Variants in OPCML observed in about 807,000 individuals in gnomAD.
OPCML encodes opioid binding protein/cell adhesion molecule like, also known as opioid-binding protein/cell adhesion molecule.
Under a neutral mutation model 37.8 loss-of-function variants are expected in OPCML, and 13 were observed. The observed-to-expected ratio is 0.34, with a 90% confidence interval of 0.22 to 0.55. The LOEUF is 0.55. Ranked by LOEUF, OPCML falls within the 20% of genes least tolerant of loss-of-function variation. OPCML has a pLI of 0.91. For synonymous variants in OPCML, 176 were observed against 168.8 expected (o/e 1.04, Z -0.33); for missense variants, 341 against 435.6 (o/e 0.78, Z 1.93).
At chr11:133,219,807 G>C (rs1055393588) in intron 1 of OPCML, among the ~76,000 whole-genome samples, 1 of 152,074 alleles carries the variant, frequency 6.6e-6, no homozygotes, top group East Asian at 1.9e-4. Context: ...TTGGGGAGGG[G>C]GGTGCTACAG....
At chr11:132,832,593 C>T (rs7938407) in intron 2 of OPCML, among the ~76,000 whole-genome samples, 13,216 of 152,200 alleles carry the variant, frequency 0.087, 644 homozygotes, top group Middle Eastern at 0.11. Context: ...GAAACAAAAA[C>T]GTGAAAAAAA....
At chr11:133,523,786 C>T (rs1407564720) in intron 1 of OPCML, among the ~76,000 whole-genome samples, 5 of 152,132 alleles carry the variant, frequency 3.3e-5, no homozygotes, top group South Asian at 2.1e-4. Context: ...GGACTTTGCC[C>T]GTCCTGTTCA....
chr11:132,932,635 T>TGGTG (rs1945245694), intron 2 of OPCML, among the ~76,000 whole-genome samples: 2 of 151,056 alleles, frequency 1.3e-5, no homozygotes, highest in Non-Finnish European at 2.9e-5. Flanking sequence ...AGAATAGTGC[T>TGGTG]GGTGGGTACC....
chr11:133,244,207 T>C (rs1410918909), intron 1 of OPCML, among the ~76,000 whole-genome samples: 1 of 152,172 alleles, frequency 6.6e-6, no homozygotes, highest in Non-Finnish European at 1.5e-5. Context: ...CACCATTCAA[T>C]AGTGCAGTGC....
intron 1 of OPCML, among the ~76,000 whole-genome samples, chr11:133,303,480 C>T (rs754161650): frequency 7.2e-5 from 11 of 152,114 alleles, no homozygotes; most frequent in Admixed American, 3.9e-4. Context: ...CTATTCATTG[C>T]GGTTGGCCTG....
intron 3 of OPCML, among the ~76,000 whole-genome samples, chr11:132,551,780 T>C (rs1591539320): frequency 6.6e-6 from 1 of 152,290 alleles, no homozygotes; most frequent in Non-Finnish European, 1.5e-5. Flanking sequence ...CCTTAAAAAC[T>C]CTGATCCCTG....
At chr11:133,446,178 T>G (rs184499120) in intron 1 of OPCML, among the ~76,000 whole-genome samples, 2 of 152,236 alleles carry the variant, frequency 1.3e-5, no homozygotes, top group Admixed American at 1.3e-4. Flanking sequence ...GGTTATGAGA[T>G]TTAAGCATCT....
chr11:132,991,724 G>A (rs543432352), intron 1 of OPCML, among the ~76,000 whole-genome samples: 2 of 152,328 alleles, frequency 1.3e-5, no homozygotes, highest in South Asian at 2.1e-4. Context: ...CTGAAGGGAA[G>A]GCTCTTCTCC....
At chr11:133,227,792 G>T (rs1274379328) in intron 1 of OPCML, among the ~76,000 whole-genome samples, 7 of 152,110 alleles carry the variant, frequency 4.6e-5, no homozygotes, top group African/African-American at 1.7e-4. Flanking sequence ...CCTTTTCATC[G>T]CCAGGAGCTG....
At chr11:133,019,506 C>G (rs1393376516) in intron 1 of OPCML, among the ~76,000 whole-genome samples, 2 of 152,204 alleles carry the variant, frequency 1.3e-5, no homozygotes, top group African/African-American at 2.4e-5. Flanking sequence ...AGACCACAAT[C>G]AATTATCATG....
At chr11:133,305,513 G>A (rs535134211) in intron 1 of OPCML, among the ~76,000 whole-genome samples, 7 of 152,300 alleles carry the variant, frequency 4.6e-5, no homozygotes, top group South Asian at 4.1e-4. Context: ...ATGTAGTTAC[G>A]TTTAATTAAA....
At chr11:133,271,452 T>C (rs1176049424) in intron 1 of OPCML, among the ~76,000 whole-genome samples, 3 of 152,192 alleles carry the variant, frequency 2.0e-5, no homozygotes, top group Non-Finnish European at 4.4e-5. Flanking sequence ...GGATCAACAA[T>C]TTCAGTAGAA....
intron 1 of OPCML, among the ~76,000 whole-genome samples, chr11:133,107,931 G>T (rs1397635047): frequency 6.6e-6 from 1 of 152,194 alleles, no homozygotes; most frequent in Admixed American, 6.5e-5. Context: ...ACATCTAGCT[G>T]AGACCACAGA....
intron 1 of OPCML, among the ~76,000 whole-genome samples, chr11:133,106,728 G>A (rs1949164462): frequency 6.6e-6 from 1 of 152,240 alleles, no homozygotes; most frequent in Non-Finnish European, 1.5e-5. Context: ...AGCTGCTTAG[G>A]ATGGGGGAGT....
At chr11:132,561,864 C>T (rs2096411427) in intron 3 of OPCML, among the ~76,000 whole-genome samples, 1 of 152,198 alleles carries the variant, frequency 6.6e-6, no homozygotes, top group Admixed American at 6.5e-5. Flanking sequence ...CAGTTTGCAG[C>T]AGATTCACCT....
chr11:133,215,011 T>A (rs1939523994), intron 1 of OPCML, among the ~76,000 whole-genome samples: 1 of 152,216 alleles, frequency 6.6e-6, no homozygotes, highest in Admixed American at 6.5e-5. Flanking sequence ...CAGGGCTTCC[T>A]TTAGAATGGC....
chr11:133,395,806 G>A (rs1346616306), intron 1 of OPCML, among the ~76,000 whole-genome samples: 1 of 152,176 alleles, frequency 6.6e-6, no homozygotes. Context: ...ACAATTTGAA[G>A]TTAGGTGTGT....
chr11:133,311,840 G>A (rs1943074070), intron 1 of OPCML, among the ~76,000 whole-genome samples: 1 of 152,200 alleles, frequency 6.6e-6, no homozygotes, highest in Admixed American at 6.5e-5. Context: ...GACAAGCTAT[G>A]AGGACAGTGT....
intron 2 of OPCML, among the ~76,000 whole-genome samples, chr11:132,683,293 A>G (rs1368256301): frequency 6.6e-6 from 1 of 152,084 alleles, no homozygotes; most frequent in Non-Finnish European, 1.5e-5. Flanking sequence ...CCAGTTACTT[A>G]CGAGGCTGAG....
Sources: gnomAD v4.1 joint callset for allele counts (sites outside exome capture counted in the v4.1 genomes callset) on GRCh38, gnomAD v4.1.1 for gene constraint, MANE v1.5 for transcripts, NCBI Gene and HGNC (gene_info 2026-07-23, HGNC 2026-07-21) for gene names.